PTPRB: variants seen among roughly 807,000 people sequenced by gnomAD.
PTPRB encodes receptor-type tyrosine-protein phosphatase beta.
In PTPRB, 97 loss-of-function variants were observed where a neutral mutation model predicts 238.1. The observed-to-expected ratio is 0.41, with a 90% CI of 0.35 to 0.48. The LOEUF is 0.48. PTPRB is among the 20% of genes least tolerant of loss of function. The pLI is 0.30. For missense variants in PTPRB, 2,292 were observed against 2,681.9 expected, an observed-to-expected ratio of 0.85 and a Z score of 3.21; for synonymous variants, 970 against 995.4, an observed-to-expected ratio of 0.97 and a Z score of 0.48.
At chr12:70,636,934 A>T (rs192828680) in intron 1 of PTPRB, among the ~76,000 whole-genome samples, 8 of 152,272 alleles carry the variant, frequency 5.3e-5, no homozygotes, top group African/African-American at 1.9e-4. Flanking sequence ...AATAAAACAC[A>T]CTACATTTCC....
Position 70,621,045 on chromosome 12 carries a change from G to T in PTPRB, c.708+1345C>A, listed in dbSNP as rs377216389. On this transcript the variant is annotated intron_variant, in intron 3 of 33. Coordinates refer to ENST00000334414, the MANE Select transcript of PTPRB (RefSeq NM_001109754.4). ...GAAGTTTAGTTTAAAAAAAGTAAGC[G>T]GTGAATCTCTCACTCATGTCAGTGG... is the stretch of plus-strand genomic sequence containing the variant. 8.5e-5 allele frequency among the ~76,000 whole-genome samples: 13 copies of T among 152,222 alleles called. No homozygotes were observed. The South Asian group carries it at 1.0e-3, about 12-fold the overall frequency.
At chr12:70,550,411 C>T (rs1565929519) in intron 21 of PTPRB, among the ~76,000 whole-genome samples, 1 of 152,150 alleles carries the variant, frequency 6.6e-6, no homozygotes, top group Non-Finnish European at 1.5e-5. Flanking sequence ...GAAAGCAGGG[C>T]TCAGTGTGCC....
chr12:70,574,948 G>T (rs1398055020), intron 11 of PTPRB, among the ~76,000 whole-genome samples: 1 of 152,208 alleles, frequency 6.6e-6, no homozygotes, highest in East Asian at 1.9e-4. Context: ...TAGGAAGCAA[G>T]GGGTTGGTAG....
intron 32 of PTPRB, among the ~76,000 whole-genome samples, chr12:70,526,108 A>G (rs559601742): frequency 6.6e-6 from 1 of 152,340 alleles, no homozygotes; most frequent in South Asian, 2.1e-4. Context: ...GGCACTAGAT[A>G]CTGTCCCTGA....
At chr12:70,559,769 C>A in intron 17 of PTPRB, 145 bp from the exon 18 acceptor site, 11 of 724,884 alleles carry the variant, frequency 1.5e-5, no homozygotes, top group East Asian at 3.1e-5. Context: ...CAGGAGCTTT[C>A]ATTAATAGTG....
chr12:70,581,108 G>T lies in PTPRB; in HGVS notation c.2506C>A (p.Leu836Met), dbSNP rs764041847. 1 of 1,614,016 alleles carries T rather than the reference G, an allele frequency of 6.2e-7. No homozygotes were observed. The highest frequency in any genetic ancestry group is 2.2e-5 in the East Asian group (1 of 44,878). Residue 836 changes from leucine (L) to methionine (M), a missense_variant, in exon 10 of 34, where the codon CTG becomes ATG. Transcript: ENST00000334414. Reference protein sequence around the residue: ...YSFHSLKSGSLYSVVVTTVSG... With the variant: ...YSFHSLKSGSMYSVVVTTVSG... Reference sequence around the variant, plus strand: ...ACTGTTGTTACCACCACGGAGTACAGGCTGCCGGACTTGAGAGAGTGGAAG... The same window carrying T: ...ACTGTTGTTACCACCACGGAGTACATGCTGCCGGACTTGAGAGAGTGGAAG...
intron 3 of PTPRB, among the ~76,000 whole-genome samples, chr12:70,616,942 T>G (rs1407032612): frequency 6.6e-6 from 1 of 152,230 alleles, no homozygotes. Context: ...GTAAAATAGT[T>G]GGCCTTGCAA....
intron 14 of PTPRB, among the ~76,000 whole-genome samples, chr12:70,568,954 AAC>A (rs1390035758): frequency 2.0e-5 from 3 of 152,318 alleles, no homozygotes; most frequent in African/African-American, 7.2e-5. Flanking sequence ...TATTGATATA[AAC>A]AGATATATTA....
At chr12:70,524,253 A>G (rs1872010330) in intron 33 of PTPRB, among the ~76,000 whole-genome samples, 2 of 150,610 alleles carry the variant, frequency 1.3e-5, no homozygotes. Context: ...GACTACGGGC[A>G]TGCACCATGA....
chr12:70,618,619 C>T (rs1207746534), intron 3 of PTPRB, among the ~76,000 whole-genome samples: 2 of 152,168 alleles, frequency 1.3e-5, no homozygotes, highest in Non-Finnish European at 2.9e-5. Flanking sequence ...CAAGTGGTTG[C>T]ATGTCTAATA....
intron 2 of PTPRB, among the ~76,000 whole-genome samples, chr12:70,633,687 A>G (rs984999639): frequency 3.3e-5 from 5 of 152,154 alleles, no homozygotes; most frequent in East Asian, 3.9e-4. Flanking sequence ...TGAATATAGC[A>G]TTGTTCAGTG....
intron 4 of PTPRB, among the ~76,000 whole-genome samples, chr12:70,598,987 G>A (rs1256219855): frequency 1.3e-5 from 2 of 152,144 alleles, no homozygotes; most frequent in African/African-American, 4.8e-5. Context: ...CCTGGGCTGC[G>A]AGAACCTGCA....
intron 9 of PTPRB, chr12:70,584,819 A>T (rs997699487): frequency 6.6e-6 from 1 of 152,152 alleles, no homozygotes; most frequent in Non-Finnish European, 1.5e-5. Flanking sequence ...CAGGGGGAAA[A>T]AATGAGAAAA....
chr12:70,617,211 G>A (rs78279311), intron 3 of PTPRB, among the ~76,000 whole-genome samples: 2,348 of 152,256 alleles, frequency 0.015, 62 homozygotes, highest in African/African-American at 0.052. Flanking sequence ...TTTTCAGGCT[G>A]GTGGGGTCCA....
chr12:70,544,338 AT>A (rs1875632041), intron 22 of PTPRB, among the ~76,000 whole-genome samples: 1 of 152,228 alleles, frequency 6.6e-6, no homozygotes, highest in Non-Finnish European at 1.5e-5. Context: ...ATAGAAAAAA[AT>A]ACTGTACTTC....
chr12:70,541,294 A>T (rs1353728675), intron 22 of PTPRB: 1 of 184,314 alleles, frequency 5.4e-6, no homozygotes, highest in Non-Finnish European at 1.1e-5. Flanking sequence ...CAAGATAAAA[A>T]TGCCATTTCA....
rs537267370 is a variant in PTPRB at position 70,599,982 on chromosome 12, T to G, written c.980-3655A>C. Among the ~76,000 whole-genome samples, 31 of 151,880 alleles carry G rather than the reference T, an allele frequency of 2.0e-4. No individual in the cohort carries two copies. In the East Asian group the frequency reaches 4.5e-3, roughly 22 times the overall value. On this transcript the variant is annotated intron_variant, in intron 4 of 33. Coordinates refer to ENST00000334414, the MANE Select transcript of PTPRB (RefSeq NM_001109754.4). ...GGCAACATAGAAAGACCCTGTTTTT[T>G]TTTTTTTTTTAATGTTATTTAGAAA...
At chr12:70,592,976 C>A (rs561914178) in intron 6 of PTPRB, among the ~76,000 whole-genome samples, 2 of 152,316 alleles carry the variant, frequency 1.3e-5, no homozygotes, top group East Asian at 3.9e-4. Context: ...ACAAAAAGGT[C>A]TGCCATCTGC....
intron 4 of PTPRB, among the ~76,000 whole-genome samples, chr12:70,597,015 T>C (rs985347461): frequency 1.3e-5 from 2 of 152,024 alleles, no homozygotes; most frequent in African/African-American, 4.8e-5. Flanking sequence ...CCTCCCGGGT[T>C]CAAGCAATTC....
Sources: gnomAD v4.1 joint callset for allele counts (sites outside exome capture counted in the v4.1 genomes callset) on GRCh38, gnomAD v4.1.1 for gene constraint, MANE v1.5 for transcripts, NCBI Gene and HGNC (gene_info 2026-07-23, HGNC 2026-07-21) for gene names.